ROBO2: variants seen among roughly 807,000 people sequenced by gnomAD.
ROBO2 encodes the protein roundabout homolog 2.
Under a neutral mutation model 160.8 loss-of-function variants are expected in ROBO2, and 53 were observed. The ratio of observed to expected loss-of-function variants is 0.33; its 90% CI spans 0.26 to 0.41. ROBO2 has a LOEUF of 0.41. ROBO2 is among the 10% of genes least tolerant of loss of function. ROBO2 has a pLI of 1.00. For missense variants in ROBO2, 1,577 were observed against 1,722.4 expected, an observed-to-expected ratio of 0.92 and a Z score of 1.49; for synonymous variants, 664 against 611.7, an observed-to-expected ratio of 1.09 and a Z score of -1.26.
At chr3:76,015,874 G>A (rs563382728) in intron 2 of ROBO2, among the ~76,000 whole-genome samples, 7 of 152,146 alleles carry the variant, frequency 4.6e-5, no homozygotes, top group Non-Finnish European at 1.0e-4. Flanking sequence ...AATGCTTTCT[G>A]TTCTCAAGCT....
chr3:77,470,901 G>A (rs371593202), intron 2 of ROBO2, among the ~76,000 whole-genome samples: 51 of 152,228 alleles, frequency 3.4e-4, no homozygotes, highest in African/African-American at 1.1e-3. Flanking sequence ...AAAACCTGCC[G>A]GCAGGAAAGA....
intron 2 of ROBO2, among the ~76,000 whole-genome samples, chr3:76,684,767 T>C (rs1197991604): frequency 1.3e-5 from 2 of 152,156 alleles, no homozygotes; most frequent in Non-Finnish European, 2.9e-5. Context: ...TGGCATCTAT[T>C]TAAAATATTT....
intron 2 of ROBO2, among the ~76,000 whole-genome samples, chr3:77,346,351 T>C (rs1377234092): frequency 6.6e-6 from 1 of 152,180 alleles, no homozygotes; most frequent in Non-Finnish European, 1.5e-5. Flanking sequence ...CCAGTTGTAC[T>C]AATAATAGAA....
At chr3:77,191,317 C>A (rs775849868) in intron 2 of ROBO2, among the ~76,000 whole-genome samples, 30 of 151,988 alleles carry the variant, frequency 2.0e-4, no homozygotes, top group Non-Finnish European at 3.7e-4. Flanking sequence ...ACCTGTTGTG[C>A]CACTGGTTAG....
intron 1 of ROBO2, among the ~76,000 whole-genome samples, chr3:75,917,911 T>A (rs568687977): frequency 6.6e-6 from 1 of 152,280 alleles, no homozygotes; most frequent in Non-Finnish European, 1.5e-5. Flanking sequence ...TTGTTTAAGT[T>A]CCTTCTAGAT....
intron 2 of ROBO2, among the ~76,000 whole-genome samples, chr3:76,593,791 T>A (rs1166854044): frequency 6.6e-6 from 1 of 151,954 alleles, no homozygotes; most frequent in Non-Finnish European, 1.5e-5. Flanking sequence ...AGCAGCTTCA[T>A]GTTTATTTAT....
chr3:76,604,003 A>G (rs2087447543), intron 2 of ROBO2, among the ~76,000 whole-genome samples: 1 of 152,214 alleles, frequency 6.6e-6, no homozygotes, highest in South Asian at 2.1e-4. Context: ...GACATCAATG[A>G]TAGTCTGTCA....
intron 2 of ROBO2, among the ~76,000 whole-genome samples, chr3:76,192,510 C>A (rs567177318): frequency 6.9e-6 from 1 of 144,480 alleles, no homozygotes; most frequent in South Asian, 2.2e-4. Flanking sequence ...CTAAACTTTG[C>A]GTCCAACACT....
chr3:75,948,171 G>A (rs997370219), intron 2 of ROBO2, among the ~76,000 whole-genome samples: 32 of 152,088 alleles, frequency 2.1e-4, no homozygotes, highest in African/African-American at 7.5e-4. Context: ...TAGCTGTTGT[G>A]TTTAGTGGAC....
rs2076565855 is a variant in ROBO2, at chr3:76,434,241, T to G, written c.109+496639T>G. On this transcript the variant is annotated intron_variant, in intron 2 of 26. Coordinates refer to the ROBO2 transcript ENST00000487694. The stretch of plus-strand genomic sequence containing the variant: ...AGAGATGGTCCACACAGGTTTGACG[T>G]TGGAGCGAGCGCTGTTGGTTACAGA... The G allele has an allele frequency of 6.9e-6, 7 of 1,017,946 alleles. No individual in the cohort carries two copies. In the East Asian group the frequency reaches 1.7e-4, roughly 24 times the overall value. 63.1% of individuals were successfully genotyped at this position (1,017,946 alleles called of 1,614,324 possible).
chr3:77,012,913 G>A (rs1012618973), intron 2 of ROBO2, among the ~76,000 whole-genome samples: 17 of 152,156 alleles, frequency 1.1e-4, no homozygotes, highest in South Asian at 4.1e-4. Flanking sequence ...TTTATTTTGC[G>A]TTCCCAGATG....
chr3:76,780,189 T>G (rs1180685686), intron 2 of ROBO2, among the ~76,000 whole-genome samples: 1 of 147,454 alleles, frequency 6.8e-6, no homozygotes, highest in African/African-American at 2.5e-5. Context: ...GTGGAGACAG[T>G]TTTTTTTTTG....
At chr3:76,773,820 G>A (rs1456626310) in intron 2 of ROBO2, among the ~76,000 whole-genome samples, 2 of 150,472 alleles carry the variant, frequency 1.3e-5, no homozygotes, top group African/African-American at 4.9e-5. Flanking sequence ...TTGCAAAATG[G>A]CCCTGGGAAG....
chr3:77,241,996 T>C (rs2089114338), intron 2 of ROBO2, among the ~76,000 whole-genome samples: 1 of 152,198 alleles, frequency 6.6e-6, no homozygotes. Flanking sequence ...AAAAACTTTG[T>C]AGACATTTTG....
intron 2 of ROBO2, among the ~76,000 whole-genome samples, chr3:76,088,785 A>C (rs1197680371): frequency 2.0e-5 from 3 of 152,072 alleles, no homozygotes; most frequent in African/African-American, 2.4e-5. Context: ...AAACAACAAT[A>C]TAAGCTTCAC....
intron 1 of ROBO2, among the ~76,000 whole-genome samples, chr3:77,055,696 C>T (rs1299621251): frequency 6.6e-6 from 1 of 152,156 alleles, no homozygotes; most frequent in Admixed American, 6.6e-5. Context: ...AACAAAACCA[C>T]ATTTTTGACC....
chr3:76,216,137 C>T (rs867986380), intron 2 of ROBO2, among the ~76,000 whole-genome samples: 1 of 152,146 alleles, frequency 6.6e-6, no homozygotes, highest in South Asian at 2.1e-4. Flanking sequence ...ACCAGGCCTG[C>T]CCTAAAAGAG....
intron 2 of ROBO2, among the ~76,000 whole-genome samples, chr3:76,067,430 T>C (rs959555784): frequency 2.8e-4 from 42 of 152,118 alleles, no homozygotes; most frequent in African/African-American, 9.7e-4. Flanking sequence ...TTTAGTCAAA[T>C]AGTTTACAGA....
chr3:76,310,898 G>C (rs765727522), intron 2 of ROBO2, among the ~76,000 whole-genome samples: 9 of 152,176 alleles, frequency 5.9e-5, no homozygotes, highest in African/African-American at 9.7e-5. Flanking sequence ...CACACAGGCA[G>C]CCTGAAAGCT....
Sources: allele counts gnomAD v4.1 joint callset (sites outside exome capture counted in the v4.1 genomes callset), GRCh38; gene constraint gnomAD v4.1.1; transcripts MANE v1.5; gene names NCBI Gene and HGNC (gene_info 2026-07-23, HGNC 2026-07-21).